Variants in TNNI3K observed in about 807,000 individuals in gnomAD.
TNNI3K encodes the protein TNNI3 interacting kinase, also known as serine/threonine-protein kinase TNNI3K.
TNNI3K carries 140 observed loss-of-function variants against 114.5 expected under a neutral mutation model. The ratio of observed to expected loss-of-function variants is 1.22; its 90% CI spans 1.07 to 1.41. TNNI3K has a LOEUF of 1.41. Ranked by LOEUF, TNNI3K falls within the 40% of genes most tolerant of loss-of-function variation. The pLI, the probability that TNNI3K is intolerant of heterozygous loss-of-function variation, is 0.00. For synonymous variants in TNNI3K, 347 were observed against 347.5 expected (o/e 1.00, Z 0.02); for missense variants, 1,125 against 1,007.6 (o/e 1.12, Z -1.58).
At chr1:74,291,320 G>T (rs1201518972) in intron 5 of TNNI3K, among the ~76,000 whole-genome samples, 4 of 151,378 alleles carry the variant, frequency 2.6e-5, no homozygotes, top group African/African-American at 9.7e-5. Context: ...GCATATTTTT[G>T]TGACTTTATT....
At chr1:74,543,336 T>A (rs2100471205) in intron 24 of TNNI3K, among the ~76,000 whole-genome samples, 1 of 152,216 alleles carries the variant, frequency 6.6e-6, no homozygotes, top group African/African-American at 2.4e-5. Context: ...CATCCCAAAG[T>A]GCTGGGATTA....
At chr1:74,350,485 C>T (rs1210936029) in intron 9 of TNNI3K, among the ~76,000 whole-genome samples, 5 of 151,980 alleles carry the variant, frequency 3.3e-5, no homozygotes, top group Non-Finnish European at 7.4e-5. Flanking sequence ...CTATTAGGTC[C>T]ACTTGGTGCA....
At chr1:74,382,212 C>T (rs190499032) in intron 17 of TNNI3K, among the ~76,000 whole-genome samples, 2 of 152,262 alleles carry the variant, frequency 1.3e-5, no homozygotes, top group Non-Finnish European at 2.9e-5. Context: ...TTTGTCATTT[C>T]TATTCATGTT....
intron 23 of TNNI3K, among the ~76,000 whole-genome samples, chr1:74,497,422 A>G (rs1038889249): frequency 6.6e-6 from 1 of 151,900 alleles, no homozygotes; most frequent in African/African-American, 2.4e-5. Flanking sequence ...CTCCATCCCT[A>G]ACTTCTTGTC....
chr1:74,464,663 T>C (rs372840050), intron 21 of TNNI3K: 128 of 1,595,744 alleles, frequency 8.0e-5, no homozygotes, highest in Non-Finnish European at 1.0e-4. Context: ...CATTACCCAG[T>C]CTCATCTGTG....
At chr1:74,482,209 C>G (rs1303913285) in intron 21 of TNNI3K, among the ~76,000 whole-genome samples, 2 of 152,168 alleles carry the variant, frequency 1.3e-5, no homozygotes, top group Non-Finnish European at 2.9e-5. Context: ...GCTATTATTT[C>G]TGTCAATTAC....
At chr1:74,403,888 C>A (rs1214176505) in intron 17 of TNNI3K, among the ~76,000 whole-genome samples, 1 of 152,120 alleles carries the variant, frequency 6.6e-6, no homozygotes, top group Non-Finnish European at 1.5e-5. Context: ...TTAAATTTTA[C>A]TTCTTATGCT....
In TNNI3K at chr1:74,261,537, T is replaced by C. The variant is rs509849; in HGVS notation, c.334-10061T>C. Among the ~76,000 whole-genome samples, 408 of 152,260 alleles carry C rather than the reference T, an allele frequency of 2.7e-3. 2 individuals are homozygous for C. Among genetic ancestry groups the C allele is most frequent in the African/African-American group, 9.3e-3 (385 of 41,570 alleles). On this transcript the variant is annotated intron_variant, in intron 4 of 24. Transcript: ENST00000326637. ...CACATTTATATCCCTCTATAGGGCATACTTCTTTAGGTGGTATCTAAATTG... is the reference window on the plus strand; with the variant it reads ...CACATTTATATCCCTCTATAGGGCACACTTCTTTAGGTGGTATCTAAATTG...
At chr1:74,396,661 G>A (rs1036350954) in intron 17 of TNNI3K, among the ~76,000 whole-genome samples, 2 of 152,136 alleles carry the variant, frequency 1.3e-5, no homozygotes, top group Non-Finnish European at 2.9e-5. Context: ...CATCCCGGAT[G>A]GGATAATAAT....
chr1:74,260,823 C>G (rs545722334), intron 4 of TNNI3K, among the ~76,000 whole-genome samples: 5 of 152,024 alleles, frequency 3.3e-5, no homozygotes, highest in Non-Finnish European at 7.4e-5. Flanking sequence ...TCTTTTATCA[C>G]GTCCTCTATA....
intron 2 of TNNI3K, among the ~76,000 whole-genome samples, chr1:74,237,853 T>C (rs553282317): frequency 2.0e-5 from 3 of 152,132 alleles, no homozygotes; most frequent in East Asian, 3.9e-4. Context: ...TATAGTCATA[T>C]GTAGATTGTT....
At chr1:74,458,559 T>G (rs1430715908) in intron 20 of TNNI3K, among the ~76,000 whole-genome samples, 2 of 152,226 alleles carry the variant, frequency 1.3e-5, no homozygotes, top group African/African-American at 2.4e-5. Context: ...AGAATTAAAC[T>G]AAACATTATA....
chr1:74,249,092 G>A (rs1025862103), intron 2 of TNNI3K, among the ~76,000 whole-genome samples: 1 of 151,732 alleles, frequency 6.6e-6, no homozygotes, highest in African/African-American at 2.4e-5. Flanking sequence ...TATGTATTAT[G>A]TAAGTATTCC....
chr1:74,308,218 C>T (rs963656408), intron 5 of TNNI3K, among the ~76,000 whole-genome samples: 8 of 152,028 alleles, frequency 5.3e-5, no homozygotes, highest in African/African-American at 1.9e-4. Flanking sequence ...TATACATTCT[C>T]CTCTGCACAG....
At chr1:74,278,582 A>G (rs1476073865) in intron 5 of TNNI3K, among the ~76,000 whole-genome samples, 1 of 152,200 alleles carries the variant, frequency 6.6e-6, no homozygotes, top group African/African-American at 2.4e-5. Flanking sequence ...AAATTTCTGC[A>G]TTACATTTTA....
At chr1:74,345,695 C>T (rs1660966961) in intron 9 of TNNI3K, among the ~76,000 whole-genome samples, 1 of 152,060 alleles carries the variant, frequency 6.6e-6, no homozygotes, top group South Asian at 2.1e-4. Flanking sequence ...TATTACATAC[C>T]TCATATCTCT....
In TNNI3K at chr1:74,481,108, T is replaced by C. The variant is rs1318221410; in HGVS notation, c.2122-8081T>C. ...CAATAAACAATACAAAAAATGAAAATGATTTTCTGATTTCCAAATTTGAGG... is the reference window on the plus strand; with the variant it reads ...CAATAAACAATACAAAAAATGAAAACGATTTTCTGATTTCCAAATTTGAGG... On this transcript the variant is annotated intron_variant, in intron 21 of 24. Coordinates refer to ENST00000326637, the MANE Select transcript of TNNI3K (RefSeq NM_015978.3). 8.7e-6 allele frequency: 5 copies of C among 571,852 alleles called. No homozygotes were observed. In the African/African-American group the frequency reaches 9.4e-5, roughly 11 times the overall value. 35.4% of individuals were successfully genotyped at this position (571,852 alleles called of 1,614,324 possible).
intron 17 of TNNI3K, among the ~76,000 whole-genome samples, chr1:74,411,316 C>T (rs1017942028): frequency 3.3e-5 from 5 of 152,078 alleles, no homozygotes; most frequent in South Asian, 2.1e-4. Flanking sequence ...CAGCTAAGTG[C>T]GGATACACTG....
chr1:74,298,530 A>T (rs1437526962), intron 5 of TNNI3K, among the ~76,000 whole-genome samples: 1 of 152,164 alleles, frequency 6.6e-6, no homozygotes, highest in East Asian at 1.9e-4. Context: ...TTTGAGAGTT[A>T]AATCATCCAA....
Sources: allele counts gnomAD v4.1 joint callset (sites outside exome capture counted in the v4.1 genomes callset), GRCh38; gene constraint gnomAD v4.1.1; transcripts MANE v1.5; gene names NCBI Gene and HGNC (gene_info 2026-07-23, HGNC 2026-07-21).